The following MAGI2 variants were observed in gnomAD, a reference collection of about 807,000 sequenced individuals.
MAGI2 encodes the protein membrane associated guanylate kinase, WW and PDZ domain containing 2, also known as membrane-associated guanylate kinase, WW and PDZ domain-containing protein 2.
A neutral mutation model predicts 133.3 loss-of-function variants in MAGI2; 35 were observed. That is an observed-to-expected ratio of 0.26 (90% CI 0.20 to 0.35). The LOEUF (loss-of-function observed/expected upper bound fraction) is 0.35, where lower values mean the gene tolerates loss of function less well. MAGI2 is among the 10% of genes least tolerant of loss of function. The pLI, the probability that MAGI2 is intolerant of heterozygous loss-of-function variation, is 1.00. For synonymous variants in MAGI2, 729 were observed against 710.6 expected (o/e 1.03, Z -0.41); for missense variants, 1,636 against 1,863.4 (o/e 0.88, Z 2.25).
intron 1 of MAGI2, among the ~76,000 whole-genome samples, chr7:79,229,215 A>G (rs1021761229): frequency 6.6e-6 from 1 of 152,052 alleles, no homozygotes; most frequent in Admixed American, 6.5e-5. Flanking sequence ...TTTCTTCAGA[A>G]ATCTCTCTGC....
chr7:78,387,267 G>T (rs568574993), intron 6 of MAGI2, among the ~76,000 whole-genome samples: 1 of 152,186 alleles, frequency 6.6e-6, no homozygotes, highest in African/African-American at 2.4e-5. Context: ...AGGACTCAGG[G>T]TGTGAAGTCT....
intron 21 of MAGI2, among the ~76,000 whole-genome samples, chr7:78,058,825 T>C (rs1240306932): frequency 6.6e-6 from 1 of 152,180 alleles, no homozygotes; most frequent in East Asian, 1.9e-4. Flanking sequence ...AATTAGGTAA[T>C]TCTTGAAAGG....
At chr7:79,297,506 A>T (rs1325017230) in intron 1 of MAGI2, among the ~76,000 whole-genome samples, 1 of 152,180 alleles carries the variant, frequency 6.6e-6, no homozygotes, top group Non-Finnish European at 1.5e-5. Flanking sequence ...TATTCTAATT[A>T]GTCAGATACT....
At chr7:79,215,804 T>C (rs1257105803) in intron 1 of MAGI2, among the ~76,000 whole-genome samples, 1 of 152,060 alleles carries the variant, frequency 6.6e-6, no homozygotes. Context: ...GGGCCTCCTG[T>C]GGCTGTGTCA....
At chr7:79,336,383 G>T (rs1201968736) in intron 1 of MAGI2, among the ~76,000 whole-genome samples, 1 of 151,914 alleles carries the variant, frequency 6.6e-6, no homozygotes, top group Non-Finnish European at 1.5e-5. Context: ...TTATGATAGA[G>T]TTACTTATAA....
chr7:78,597,039 A>G (rs1010545898), intron 3 of MAGI2, among the ~76,000 whole-genome samples: 1 of 152,178 alleles, frequency 6.6e-6, no homozygotes, highest in African/African-American at 2.4e-5. Flanking sequence ...AAAGTTGGAG[A>G]GCTGCCACAT....
intron 21 of MAGI2, among the ~76,000 whole-genome samples, chr7:78,046,515 G>A (rs1402909346): frequency 1.3e-5 from 2 of 152,024 alleles, no homozygotes; most frequent in Non-Finnish European, 2.9e-5. Flanking sequence ...CCTTCAACAT[G>A]GCTTCTGCAA....
intron 2 of MAGI2, among the ~76,000 whole-genome samples, chr7:78,812,666 G>A (rs1480184843): frequency 6.6e-6 from 1 of 151,594 alleles, no homozygotes; most frequent in Non-Finnish European, 1.5e-5. Flanking sequence ...GAATAATACT[G>A]GAATACTTGA....
At chr7:78,590,942 T>G (rs1308329496) in intron 3 of MAGI2, among the ~76,000 whole-genome samples, 1 of 152,170 alleles carries the variant, frequency 6.6e-6, no homozygotes, top group African/African-American at 2.4e-5. Flanking sequence ...GAATGGTACT[T>G]AGATTGCAAT....
intron 2 of MAGI2, among the ~76,000 whole-genome samples, chr7:78,645,492 T>C (rs1052633311): frequency 6.6e-6 from 1 of 152,144 alleles, no homozygotes; most frequent in Non-Finnish European, 1.5e-5. Context: ...TATGCAAAGT[T>C]GATTTAATAT....
intron 5 of MAGI2, among the ~76,000 whole-genome samples, chr7:78,492,186 G>A (rs1277707000): frequency 1.3e-5 from 2 of 152,016 alleles, no homozygotes; most frequent in Non-Finnish European, 2.9e-5. Context: ...TAATTTAGTA[G>A]AGAACTGTGA....
At chr7:78,905,896 A>G (rs1184762848) in intron 2 of MAGI2, among the ~76,000 whole-genome samples, 1 of 152,180 alleles carries the variant, frequency 6.6e-6, no homozygotes, top group African/African-American at 2.4e-5. Flanking sequence ...TATAGAATGA[A>G]AAAATAAAAG....
chr7:78,115,823 C>A (rs4296978), intron 20 of MAGI2, among the ~76,000 whole-genome samples: 27 of 152,088 alleles, frequency 1.8e-4, no homozygotes, highest in Non-Finnish European at 3.4e-4. Flanking sequence ...CCATTTCCAT[C>A]AAAAAAAGTC....
At chr7:78,619,641 A>T (rs1807501779) in intron 3 of MAGI2, among the ~76,000 whole-genome samples, 1 of 151,966 alleles carries the variant, frequency 6.6e-6, no homozygotes, top group South Asian at 2.1e-4. Context: ...GGCTCAAAAA[A>T]TTCCTAAACT....
intron 1 of MAGI2, chr7:79,415,145 C>A (rs532885060): frequency 2.6e-5 from 4 of 152,242 alleles, no homozygotes; most frequent in African/African-American, 7.2e-5. Context: ...TCATTACTCA[C>A]CTCTAGCCTA....
chr7:78,840,320 C>T (rs1051859999), intron 2 of MAGI2, among the ~76,000 whole-genome samples: 3 of 152,054 alleles, frequency 2.0e-5, no homozygotes, highest in African/African-American at 7.2e-5. Context: ...AAGGAATACT[C>T]ATACAATACG....
chr7:78,480,379 C>CA (rs1385425865), intron 6 of MAGI2, among the ~76,000 whole-genome samples: 1 of 150,472 alleles, frequency 6.6e-6, no homozygotes, highest in Non-Finnish European at 1.5e-5. Flanking sequence ...AAAGACAGTA[C>CA]AAAAAAAAAT....
chr7:78,858,487 T>A (rs1414446721), intron 2 of MAGI2, among the ~76,000 whole-genome samples: 1 of 152,252 alleles, frequency 6.6e-6, no homozygotes, highest in Non-Finnish European at 1.5e-5. Flanking sequence ...ACATCTTTAT[T>A]TCTGCCTTCC....
intron 1 of MAGI2, among the ~76,000 whole-genome samples, chr7:79,345,656 T>TA (rs932593210): frequency 3.9e-5 from 6 of 152,050 alleles, no homozygotes; most frequent in African/African-American, 7.2e-5. Context: ...GGATGTGTTC[T>TA]AAAAAAATCT....
Sources: gnomAD v4.1 joint callset for allele counts (sites outside exome capture counted in the v4.1 genomes callset) on GRCh38, gnomAD v4.1.1 for gene constraint, MANE v1.5 for transcripts, NCBI Gene and HGNC (gene_info 2026-07-23, HGNC 2026-07-21) for gene names.